R3HDM2: variants seen among roughly 807,000 people sequenced by gnomAD.
The protein encoded by R3HDM2 is R3H domain-containing protein 2.
Under a neutral mutation model 124.5 loss-of-function variants are expected in R3HDM2, and 38 were observed. The ratio of observed to expected loss-of-function variants is 0.31; its 90% CI spans 0.24 to 0.40. The LOEUF (loss-of-function observed/expected upper bound fraction) is 0.40. R3HDM2 is among the 10% of genes least tolerant of loss of function. The pLI is 1.00. For missense variants in R3HDM2, 869 were observed against 1,236.9 expected (o/e 0.70, Z 4.46); for synonymous variants, 391 against 448.0 (o/e 0.87, Z 1.61).
chr12:57,327,000 A>G (rs1406541990), intron 2 of R3HDM2, among the ~76,000 whole-genome samples: 2 of 147,946 alleles, frequency 1.4e-5, no homozygotes, highest in Non-Finnish European at 3.0e-5. Flanking sequence ...AAAAAAAAAT[A>G]TTCCTTTTAA....
At chr12:57,304,548 T>G (rs2052122125) in intron 3 of R3HDM2, 1 of 978,274 alleles carries the variant, frequency 1.0e-6, no homozygotes, top group African/African-American at 1.7e-5. Flanking sequence ...ACGGCCACAA[T>G]GCAAAATGGA....
chr12:57,269,129 G>A (rs773268687), intron 16 of R3HDM2, 47 bp from the exon 17 acceptor site: 23 of 1,599,924 alleles, frequency 1.4e-5, no homozygotes, highest in Non-Finnish European at 2.0e-5. Flanking sequence ...ATGTTTAGGA[G>A]GTCACACTCT....
chr12:57,287,687 G>A (rs190795108), intron 12 of R3HDM2, among the ~76,000 whole-genome samples: 5 of 152,316 alleles, frequency 3.3e-5, no homozygotes, highest in African/African-American at 4.8e-5. Context: ...CCTTTGGAAA[G>A]GGGGTTAGAG....
chr12:57,317,341 C>T (rs549096344), intron 2 of R3HDM2, among the ~76,000 whole-genome samples: 3 of 151,764 alleles, frequency 2.0e-5, no homozygotes, highest in East Asian at 1.9e-4. Flanking sequence ...CCCATCACCA[C>T]GAATGGCTAA....
At position 57,283,852 on chromosome 12, in the gene R3HDM2, G is replaced by A. The variant is rs139077619; in HGVS notation, c.1143C>T (p.Gly381=). The A allele has an allele frequency of 1.7e-5, 28 of 1,614,060 alleles. No individual in the cohort carries two copies. Among genetic ancestry groups the A allele is most frequent in the African/African-American group, 1.2e-4 (9 of 74,922 alleles). ...TRGDSIGSSK[G]GSAGRISRPG... Reference sequence around the variant, plus strand: ...GCCTGGAGATCCTTCCCGCACTGCCGCCTTTACTGCTGCCGATGCTGTCAC... The same window carrying A: ...GCCTGGAGATCCTTCCCGCACTGCCACCTTTACTGCTGCCGATGCTGTCAC... The change falls in exon 13 of 24, where the codon GGC becomes GGT. Residue 381 remains glycine (G), a synonymous_variant. Coordinates refer to ENST00000402412, the MANE Select transcript of R3HDM2 (RefSeq NM_001394031.1).
intron 2 of R3HDM2, among the ~76,000 whole-genome samples, chr12:57,317,357 G>A (rs1053913300): frequency 1.3e-5 from 2 of 151,316 alleles, no homozygotes; most frequent in Non-Finnish European, 2.9e-5. Context: ...GCTAATTTTT[G>A]TATTTGTAAT....
chr12:57,310,818 G>C (rs1244723304), intron 2 of R3HDM2, among the ~76,000 whole-genome samples: 4 of 151,988 alleles, frequency 2.6e-5, no homozygotes, highest in African/African-American at 4.8e-5. Flanking sequence ...GCCAACTACT[G>C]ATCTGTTCTG....
In R3HDM2 at chr12:57,280,433, C is replaced by CTGCTGCTGT; in HGVS notation, c.1260_1268dup (p.Gln425_Gln427dup). On this transcript the variant is annotated inframe_insertion, in exon 14 of 24. Coordinates refer to ENST00000402412, the MANE Select transcript of R3HDM2 (RefSeq NM_001394031.1). Reference sequence around the variant, plus strand: ...GGAGAGCAGGAAGTTGCTGCTGCTGCTGCTGCTGTTGCTGCTGGGCAGTAC... The same window carrying CTGCTGCTGT: ...GGAGAGCAGGAAGTTGCTGCTGCTGCTGCTGCTGTTGCTGCTGTTGCTGCTGGGCAGTAC... The CTGCTGCTGT allele has an allele frequency of 1.9e-6, 3 of 1,614,064 alleles. No homozygotes were observed. The highest frequency in any genetic ancestry group is 1.1e-5 in the South Asian group (1 of 91,090).
chr12:57,352,400 C>T (rs1357492154), intron 2 of R3HDM2, among the ~76,000 whole-genome samples: 1 of 151,716 alleles, frequency 6.6e-6, no homozygotes, highest in African/African-American at 2.4e-5. Flanking sequence ...TCCCCCATGT[C>T]GATCTTTAAA....
chr12:57,373,714 A>G (rs1566389981), intron 2 of R3HDM2, among the ~76,000 whole-genome samples: 1 of 151,960 alleles, frequency 6.6e-6, no homozygotes, highest in Non-Finnish European at 1.5e-5. Flanking sequence ...TTGGAAGGCT[A>G]AGGCAAAAGA....
In R3HDM2 at chr12:57,285,409, ATTC is replaced by A. The variant is rs1360124123; in HGVS notation, c.939-1356_939-1354del. Among the ~76,000 whole-genome samples the A allele has an allele frequency of 4.0e-5, 6 of 151,590 alleles. No individual in the cohort carries two copies. In the East Asian group the frequency reaches 9.7e-4, roughly 25 times the overall value. ...GGCACAACTGGTTAGGAACATGCTA[ATTC>A]TTCTCTGCAACCCCAAGACTGAGAG... On this transcript the variant is annotated intron_variant, in intron 12 of 23. Coordinates refer to ENST00000402412, the MANE Select transcript of R3HDM2 (RefSeq NM_001394031.1).
At chr12:57,353,964 C>G (rs2060958665) in intron 2 of R3HDM2, among the ~76,000 whole-genome samples, 1 of 152,010 alleles carries the variant, frequency 6.6e-6, no homozygotes, top group Non-Finnish European at 1.5e-5. Flanking sequence ...AAGCAATTTT[C>G]TGATTCAGCC....
chr12:57,382,359 G>C (rs895322159), intron 2 of R3HDM2, among the ~76,000 whole-genome samples: 6 of 148,930 alleles, frequency 4.0e-5, no homozygotes, highest in Non-Finnish European at 8.9e-5. Context: ...CAATTCTCCT[G>C]CCTCAGCCTC....
intron 2 of R3HDM2, among the ~76,000 whole-genome samples, chr12:57,367,908 C>A (rs917858591): frequency 6.6e-6 from 1 of 151,852 alleles, no homozygotes; most frequent in Non-Finnish European, 1.5e-5. Context: ...TATTCTTGGT[C>A]TTTATTTACT....
At chr12:57,354,928 G>A (rs1482528795) in intron 2 of R3HDM2, among the ~76,000 whole-genome samples, 1 of 151,804 alleles carries the variant, frequency 6.6e-6, no homozygotes, top group Non-Finnish European at 1.5e-5. Context: ...AGACTCAAGC[G>A]ATTCTCCCAC....
chr12:57,313,666 G>A (rs1457950933), intron 2 of R3HDM2, among the ~76,000 whole-genome samples: 3 of 151,484 alleles, frequency 2.0e-5, no homozygotes, highest in Admixed American at 1.3e-4. Flanking sequence ...GGTCGCTTGA[G>A]GCCAAGAGTT....
intron 2 of R3HDM2, among the ~76,000 whole-genome samples, chr12:57,364,320 T>C (rs1704668922): frequency 6.6e-6 from 1 of 151,968 alleles, no homozygotes; most frequent in South Asian, 2.1e-4. Flanking sequence ...GCTAATTTTT[T>C]TGCATTTTTA....
chr12:57,367,740 T>A (rs1489265845), intron 2 of R3HDM2, among the ~76,000 whole-genome samples: 1 of 152,216 alleles, frequency 6.6e-6, no homozygotes, highest in African/African-American at 2.4e-5. Flanking sequence ...ATTATTCACT[T>A]AAGACAGCAG....
intron 1 of R3HDM2, among the ~76,000 whole-genome samples, chr12:57,418,624 T>A (rs1293131478): frequency 6.6e-6 from 1 of 151,732 alleles, no homozygotes; most frequent in Non-Finnish European, 1.5e-5. Flanking sequence ...AGTGGTGCGA[T>A]CTCAGCTCAC....
Sources: gnomAD v4.1 joint callset for allele counts (sites outside exome capture counted in the v4.1 genomes callset) on GRCh38, gnomAD v4.1.1 for gene constraint, MANE v1.5 for transcripts, NCBI Gene and HGNC (gene_info 2026-07-23, HGNC 2026-07-21) for gene names.